The following REV3L variants were observed in gnomAD, a reference collection of about 807,000 sequenced individuals.
REV3L encodes the protein DNA polymerase zeta catalytic subunit.
In REV3L, 69 loss-of-function variants were observed where a neutral mutation model predicts 299.4. That is an observed-to-expected ratio of 0.23 (90% CI 0.19 to 0.28). The LOEUF (loss-of-function observed/expected upper bound fraction) is 0.28, where lower values mean the gene tolerates loss of function less well. Ranked by LOEUF, REV3L falls within the 10% of genes least tolerant of loss-of-function variation. The pLI is 1.00. For synonymous variants in REV3L, 1,238 were observed against 1,271.4 expected (o/e 0.97, Z 0.56); for missense variants, 3,128 against 3,693.8 (o/e 0.85, Z 3.97).
intron 1 of REV3L, among the ~76,000 whole-genome samples, chr6:111,426,308 C>T (rs1786177673): frequency 6.6e-6 from 1 of 152,172 alleles, no homozygotes; most frequent in Non-Finnish European, 1.5e-5. Context: ...TCTAAGAAGG[C>T]TTTCAACTGA....
intron 27 of REV3L, 40 bp downstream of exon 27, chr6:111,315,227 T>C: frequency 6.8e-7 from 1 of 1,467,258 alleles, no homozygotes; most frequent in South Asian, 1.2e-5. Flanking sequence ...AGAAGGTATA[T>C]GAATTTTATA....
At chr6:111,365,756 A>C (rs1779127834) in intron 14 of REV3L, among the ~76,000 whole-genome samples, 1 of 152,188 alleles carries the variant, frequency 6.6e-6, no homozygotes, top group South Asian at 2.1e-4. Flanking sequence ...GGGGAATATA[A>C]TTGGGAATTT....
intron 17 of REV3L, among the ~76,000 whole-genome samples, chr6:111,357,647 C>G (rs570468241): frequency 6.6e-6 from 1 of 151,866 alleles, no homozygotes; most frequent in African/African-American, 2.4e-5. Flanking sequence ...GAGCGGAGAT[C>G]GCACCACTGC....
chr6:111,465,760 A>AAAAC, intron 1 of REV3L, among the ~76,000 whole-genome samples: 2 of 151,252 alleles, frequency 1.3e-5, no homozygotes, highest in South Asian at 4.2e-4. Flanking sequence ...AAAAAAAAAA[A>AAAAC]AAAAAACTTT....
At chr6:111,445,134 G>C (rs976220885) in intron 1 of REV3L, among the ~76,000 whole-genome samples, 1 of 152,110 alleles carries the variant, frequency 6.6e-6, no homozygotes, top group Non-Finnish European at 1.5e-5. Flanking sequence ...AAACTTTTGG[G>C]GTCCACTTAA....
At chr6:111,476,672 T>A (rs2128342419) in intron 1 of REV3L, among the ~76,000 whole-genome samples, 1 of 152,356 alleles carries the variant, frequency 6.6e-6, no homozygotes, top group South Asian at 2.1e-4. Context: ...AAAACCATGT[T>A]ACTTTTCAAA....
At chr6:111,439,474 GA>G (rs1229730417) in intron 1 of REV3L, among the ~76,000 whole-genome samples, 1 of 152,140 alleles carries the variant, frequency 6.6e-6, no homozygotes, top group African/African-American at 2.4e-5. Flanking sequence ...AAAACTACAC[GA>G]AAAGTTGCCA....
chr6:111,430,993 G>C (rs1352457230), intron 1 of REV3L: 34 of 1,572,612 alleles, frequency 2.2e-5, no homozygotes, highest in Non-Finnish European at 2.8e-5. Flanking sequence ...GGTTCAAAGA[G>C]GACAAAAGAA....
At position 111,458,640 on chromosome 6, in the gene REV3L, C is replaced by A. The variant is rs563392940; in HGVS notation, c.139+24110G>T. Among the ~76,000 whole-genome samples, 3 of 152,054 alleles carry A rather than the reference C, an allele frequency of 2.0e-5. No homozygotes were observed. In the East Asian group the frequency reaches 5.8e-4, roughly 29 times the overall value. ...CAGTAGCATTTCTACGTAACAATAA[C>A]CTTCAGGCTAAGAGCCAAATCAAGA... On this transcript the variant is annotated intron_variant, in intron 1 of 31. Coordinates refer to ENST00000368802, the MANE Select transcript of REV3L (RefSeq NM_001372078.1).
At chr6:111,301,820 TA>T (rs200670870) in intron 31 of REV3L, among the ~76,000 whole-genome samples, 7 of 151,574 alleles carry the variant, frequency 4.6e-5, no homozygotes, top group South Asian at 4.2e-4. Context: ...CATATATAGT[TA>T]AAAAAAAGGT....
intron 1 of REV3L, chr6:111,460,332 G>A (rs567944556): frequency 4.3e-4 from 66 of 152,066 alleles, no homozygotes; most frequent in African/African-American, 1.5e-3. Context: ...CCTAGGTGAC[G>A]GGTTCAGTCG....
chr6:111,435,917 G>A (rs1787495620), intron 1 of REV3L, among the ~76,000 whole-genome samples: 1 of 152,090 alleles, frequency 6.6e-6, no homozygotes, highest in Admixed American at 6.5e-5. Flanking sequence ...TCTAACATGG[G>A]ATTAACAACC....
intron 1 of REV3L, among the ~76,000 whole-genome samples, chr6:111,435,583 G>A (rs1787455178): frequency 6.6e-6 from 1 of 152,142 alleles, no homozygotes; most frequent in Non-Finnish European, 1.5e-5. Flanking sequence ...TCAACAAATG[G>A]TGCTGGGAAA....
chr6:111,313,639 C>T lies in REV3L; in HGVS notation c.8467-150G>A, dbSNP rs986038788. ...TGGGCCCAACAAATTCATGATATAACACGTGGGAGCAAAATGAATTGTCTT... is the reference window on the plus strand; with the variant it reads ...TGGGCCCAACAAATTCATGATATAATACGTGGGAGCAAAATGAATTGTCTT... On this transcript the variant is annotated intron_variant, in intron 27 of 31. Coordinates refer to ENST00000368802, the MANE Select transcript of REV3L (RefSeq NM_001372078.1). The T allele has an allele frequency of 4.6e-6, 3 of 652,764 alleles. No individual in the cohort carries two copies. In the South Asian group the frequency reaches 7.3e-5, roughly 16 times the overall value. The allele number at this position is 652,764 out of a possible 1,614,324, so 40.4% of individuals were successfully genotyped here.
chr6:111,431,256 G>T, intron 1 of REV3L: 1 of 1,506,518 alleles, frequency 6.6e-7, no homozygotes. Flanking sequence ...CCCTACAAGA[G>T]ATTTAGATGT....
At chr6:111,402,967 C>G (rs1418456829) in intron 4 of REV3L, among the ~76,000 whole-genome samples, 3 of 152,124 alleles carry the variant, frequency 2.0e-5, no homozygotes, top group Non-Finnish European at 4.4e-5. Context: ...AATGGATGTT[C>G]ACAGCAGCAT....
intron 1 of REV3L, among the ~76,000 whole-genome samples, chr6:111,436,177 TA>T (rs1177015622): frequency 1.3e-5 from 2 of 152,102 alleles, no homozygotes; most frequent in Non-Finnish European, 2.9e-5. Flanking sequence ...AGGATGCGGA[TA>T]AAGGAGAATC....
At chr6:111,338,211 G>C (rs936143192) in intron 21 of REV3L, among the ~76,000 whole-genome samples, 3 of 151,722 alleles carry the variant, frequency 2.0e-5, no homozygotes, top group Non-Finnish European at 4.4e-5. Flanking sequence ...GGTGATTCAG[G>C]AGAAGAGTTA....
chr6:111,413,359 G>C (rs1468494270), intron 2 of REV3L, among the ~76,000 whole-genome samples: 2 of 152,068 alleles, frequency 1.3e-5, no homozygotes, highest in Non-Finnish European at 2.9e-5. Context: ...CTCGTAATTA[G>C]TTTTTTAAGT....
Sources: allele counts gnomAD v4.1 joint callset (sites outside exome capture counted in the v4.1 genomes callset), GRCh38; gene constraint gnomAD v4.1.1; transcripts MANE v1.5; gene names NCBI Gene and HGNC (gene_info 2026-07-23, HGNC 2026-07-21).